Variants in DGKI observed in about 807,000 individuals in gnomAD.
DGKI encodes diacylglycerol kinase iota.
DGKI carries 55 observed loss-of-function variants against 147.5 expected under a neutral mutation model. That is an observed-to-expected ratio of 0.37 (90% CI 0.30 to 0.47). DGKI has a LOEUF of 0.47. Among genes scored for constraint, DGKI ranks in the 20% least tolerant of loss-of-function variants. The pLI is 1.00. For missense variants in DGKI, 1,007 were observed against 1,323.8 expected (o/e 0.76, Z 3.71); for synonymous variants, 469 against 477.1 (o/e 0.98, Z 0.22).
In DGKI at chr7:137,689,989, G is replaced by A. The variant is rs1404784044; in HGVS notation, c.415C>T (p.Arg139Trp). The A allele has an allele frequency of 9.4e-6, 15 of 1,599,196 alleles. No homozygotes were observed. Among genetic ancestry groups the A allele is most frequent in the Non-Finnish European group, 1.2e-5 (14 of 1,174,982 alleles). The change falls in exon 2 of 33, where the codon CGG (arginine) becomes TGG (tryptophan). Residue 139 changes from arginine (R) to tryptophan (W), a missense_variant. Transcript: ENST00000614521. ...GGAGCCAGATGCTGGAGGCCTGCCC[G>A]GGAGATTGCTTTCCTGCAGCAAGAA... is the stretch of plus-strand genomic sequence containing the variant. ...KQVSYRKAIS[R>W]AGLQHLAPAH...
chr7:137,612,672 C>A (rs576479794), intron 8 of DGKI, among the ~76,000 whole-genome samples: 1 of 152,066 alleles, frequency 6.6e-6, no homozygotes, highest in Non-Finnish European at 1.5e-5. Context: ...AAAGAGCACG[C>A]TTTTCGAGAA....
At chr7:137,604,164 G>T (rs576782020) in intron 10 of DGKI, among the ~76,000 whole-genome samples, 32 of 152,276 alleles carry the variant, frequency 2.1e-4, no homozygotes, top group African/African-American at 7.2e-4. Flanking sequence ...GTTGAGGCTA[G>T]CTGGACAAGA....
At chr7:137,576,774 T>A (rs1199796888) in intron 17 of DGKI, among the ~76,000 whole-genome samples, 2 of 152,192 alleles carry the variant, frequency 1.3e-5, no homozygotes, top group African/African-American at 4.8e-5. Flanking sequence ...TATCCTGGAA[T>A]AAATATCCTC....
At chr7:137,750,252 G>A (rs1024252587) in intron 1 of DGKI, among the ~76,000 whole-genome samples, 1 of 152,182 alleles carries the variant, frequency 6.6e-6, no homozygotes, top group Non-Finnish European at 1.5e-5. Context: ...TATAGAGCTG[G>A]TGAGTAGGTA....
intron 3 of DGKI, among the ~76,000 whole-genome samples, chr7:137,675,668 G>T (rs995074327): frequency 3.1e-5 from 4 of 130,692 alleles, no homozygotes; most frequent in Non-Finnish European, 4.6e-5. Flanking sequence ...CTGGGCAGCC[G>T]AGCAAGACTA....
At chr7:137,622,817 G>A (rs1046304352) in intron 7 of DGKI, among the ~76,000 whole-genome samples, 7 of 152,286 alleles carry the variant, frequency 4.6e-5, no homozygotes, top group Non-Finnish European at 7.4e-5. Context: ...GGTACAGACC[G>A]AGGAATTACG....
intron 1 of DGKI, among the ~76,000 whole-genome samples, chr7:137,696,892 G>A (rs1294606801): frequency 6.6e-6 from 1 of 152,100 alleles, no homozygotes; most frequent in Non-Finnish European, 1.5e-5. Context: ...TAATATGACT[G>A]TGTCTTTATA....
chr7:137,647,334 A>C (rs11978263), intron 5 of DGKI, among the ~76,000 whole-genome samples: 12,799 of 152,126 alleles, frequency 0.084, 1,731 homozygotes, highest in African/African-American at 0.29. Context: ...CCCTTGCATC[A>C]CCTCAACATT....
chr7:137,816,743 G>A (rs1029708068), intron 1 of DGKI, among the ~76,000 whole-genome samples: 1 of 152,164 alleles, frequency 6.6e-6, no homozygotes, highest in African/African-American at 2.4e-5. Flanking sequence ...AGAAGGAGAG[G>A]CAAATTTTTA....
At chr7:137,660,976 A>G (rs896513373) in intron 3 of DGKI, among the ~76,000 whole-genome samples, 2 of 152,288 alleles carry the variant, frequency 1.3e-5, no homozygotes, top group Non-Finnish European at 1.5e-5. Context: ...TTTGCTGCCC[A>G]AGGTAAGTAA....
chr7:137,555,604 T>C (rs1818198488), intron 19 of DGKI, among the ~76,000 whole-genome samples: 1 of 152,132 alleles, frequency 6.6e-6, no homozygotes, highest in African/African-American at 2.4e-5. Flanking sequence ...GCAGGAATTT[T>C]AGGAAAACAA....
intron 1 of DGKI, among the ~76,000 whole-genome samples, chr7:137,823,629 C>T (rs899211050): frequency 5.3e-5 from 8 of 152,080 alleles, no homozygotes; most frequent in African/African-American, 9.7e-5. Flanking sequence ...GGAGGTGTGA[C>T]GCTTAGGAAA....
chr7:137,775,857 CT>C (rs1250921063), intron 1 of DGKI, among the ~76,000 whole-genome samples: 19 of 149,388 alleles, frequency 1.3e-4, no homozygotes, highest in East Asian at 9.7e-4. Context: ...AAAGTATATT[CT>C]TTTTTTTTTC....
At chr7:137,721,053 T>C (rs1794542036) in intron 1 of DGKI, among the ~76,000 whole-genome samples, 1 of 152,180 alleles carries the variant, frequency 6.6e-6, no homozygotes, top group Non-Finnish European at 1.5e-5. Context: ...TTGGCAACCA[T>C]TACCAGTCCA....
rs1236138044 is a variant in DGKI at position 137,619,933 on chromosome 7, T to C, written c.884A>G (p.Asn295Ser). Residue 295 changes from asparagine (N) to serine (S), a missense_variant, in exon 8 of 33, where the codon AAT (asparagine) becomes AGT (serine). Physicochemically the swap from Asn to Ser is conservative, Grantham distance 46. This residue lies in a region of DGKI where 259 missense variants were observed against 362.5 expected (regional missense o/e 0.71). Coordinates refer to ENST00000614521, the MANE Select transcript of DGKI (RefSeq NM_001321708.2). Reference protein sequence around the residue: ...SCSWCKQAFHNKVTCFMLHHI... With the variant: ...SCSWCKQAFHSKVTCFMLHHI... ...ATGCAGCATGAAGCAGGTCACCTTA[T>C]TGTGAAACTGAAGAGAAAAATAAGC... is the stretch of plus-strand genomic sequence containing the variant. 5.6e-6 allele frequency: 9 copies of C among 1,613,048 alleles called. No homozygotes were observed. Among genetic ancestry groups the C allele is most frequent in the East Asian group, 2.2e-5 (1 of 44,858 alleles).
rs1815865517 is a variant in DGKI, at chr7:137,493,910, C to A, written c.2249-6221G>T. On this transcript the variant is annotated intron_variant, in intron 21 of 32. Coordinates refer to ENST00000614521, the MANE Select transcript of DGKI (RefSeq NM_001321708.2). Reference sequence around the variant, plus strand: ...CGAGATTCAGGAGAAAGTTAACACCCAATCCAAAAATTCTAAAGAATACAA... The same window carrying A: ...CGAGATTCAGGAGAAAGTTAACACCAAATCCAAAAATTCTAAAGAATACAA... 3 of 608,188 alleles carry A rather than the reference C, an allele frequency of 4.9e-6. No homozygotes were observed. The East Asian group carries it at 8.4e-5, about 17-fold the overall frequency. 37.7% of individuals were successfully genotyped at this position (608,188 alleles called of 1,614,324 possible).
At chr7:137,498,630 A>C (rs1816057242) in intron 21 of DGKI, among the ~76,000 whole-genome samples, 1 of 152,196 alleles carries the variant, frequency 6.6e-6, no homozygotes, top group Admixed American at 6.5e-5. Flanking sequence ...ACAATGAAAC[A>C]AGACCTTCAA....
intron 8 of DGKI, among the ~76,000 whole-genome samples, chr7:137,619,508 C>T (rs1160955163): frequency 6.6e-6 from 1 of 152,152 alleles, no homozygotes; most frequent in Non-Finnish European, 1.5e-5. Context: ...TAAGCATCAG[C>T]TATACCCACC....
chr7:137,808,784 C>T (rs150042265), intron 1 of DGKI, among the ~76,000 whole-genome samples: 23 of 152,254 alleles, frequency 1.5e-4, no homozygotes, highest in Admixed American at 2.6e-4. Context: ...GATGAGAATA[C>T]ACCTGCAAAC....
Sources: gnomAD v4.1 joint callset for allele counts (sites outside exome capture counted in the v4.1 genomes callset) on GRCh38, gnomAD v4.1.1 for gene constraint, gnomAD v4.1.1 regional missense constraint, MANE v1.5 for transcripts, NCBI Gene and HGNC (gene_info 2026-07-23, HGNC 2026-07-21) for gene names.